Variants in CAPN14 observed in about 807,000 individuals in gnomAD.
CAPN14 encodes the protein calpain 14.
In CAPN14, 94 loss-of-function variants were observed where a neutral mutation model predicts 101.3. That is an observed-to-expected ratio of 0.93 (90% CI 0.79 to 1.10). The LOEUF (loss-of-function observed/expected upper bound fraction) is 1.10, where lower values mean the gene tolerates loss of function less well. Ranked by LOEUF, CAPN14 falls within the 50% of genes least tolerant of loss-of-function variation. The pLI, the probability that CAPN14 is intolerant of heterozygous loss-of-function variation, is 0.00. For missense variants in CAPN14, 837 were observed against 828.4 expected, an observed-to-expected ratio of 1.01 and a Z score of -0.13; for synonymous variants, 338 against 317.9, an observed-to-expected ratio of 1.06 and a Z score of -0.67.
At chr2:31,176,980 G>A in intron 20 of CAPN14, 46 bp downstream of exon 20, 1 of 1,342,032 alleles carries the variant, frequency 7.5e-7, no homozygotes, top group Non-Finnish European at 1.0e-6. Context: ...GAAGTCATGG[G>A]GCAGCAGAGG....
At chr2:31,203,976 T>C (rs181168193) in intron 2 of CAPN14, among the ~76,000 whole-genome samples, 1 of 152,222 alleles carries the variant, frequency 6.6e-6, no homozygotes, top group Non-Finnish European at 1.5e-5. Context: ...AAGAATACTT[T>C]TGTAAAGTGA....
chr2:31,197,032 TCAAA>T (rs56842904), intron 8 of CAPN14, among the ~76,000 whole-genome samples: 2,938 of 152,280 alleles, frequency 0.019, 32 homozygotes, highest in South Asian at 0.043. Flanking sequence ...TGGCAAGCCC[TCAAA>T]CAAACATCAG....
chr2:31,231,815 C>G (rs1484085996), intron 1 of CAPN14, among the ~76,000 whole-genome samples: 2 of 152,314 alleles, frequency 1.3e-5, no homozygotes, highest in East Asian at 3.9e-4. Context: ...GTATTAACAC[C>G]AGGCGTGGCA....
chr2:31,187,499 T>A (rs1680956857), intron 15 of CAPN14, among the ~76,000 whole-genome samples: 1 of 151,490 alleles, frequency 6.6e-6, no homozygotes, highest in Non-Finnish European at 1.5e-5. Context: ...GATGAAAGAT[T>A]AAAGTTGCTT....
At chr2:31,197,662 A>G (rs1423397099) in intron 7 of CAPN14, among the ~76,000 whole-genome samples, 1 of 152,230 alleles carries the variant, frequency 6.6e-6, no homozygotes, top group African/African-American at 2.4e-5. Flanking sequence ...TGGAAAAAGG[A>G]TCTTTGCAAA....
chr2:31,190,230 C>T (rs1279918022), intron 12 of CAPN14, among the ~76,000 whole-genome samples: 1 of 151,970 alleles, frequency 6.6e-6, no homozygotes, highest in Admixed American at 6.6e-5. Context: ...CCTTTGTTCT[C>T]ACTCAGGGCT....
chr2:31,208,658 T>C (rs1035694193), intron 1 of CAPN14, among the ~76,000 whole-genome samples: 1 of 152,182 alleles, frequency 6.6e-6, no homozygotes, highest in African/African-American at 2.4e-5. Flanking sequence ...ATGAAACCAG[T>C]TGGCGGTTCT....
chr2:31,186,359 G>C, intron 16 of CAPN14, 69 bp downstream of exon 16: 4 of 1,154,922 alleles, frequency 3.5e-6, no homozygotes, highest in Non-Finnish European at 4.9e-6. Flanking sequence ...AAGGGAAAGA[G>C]AAACAAAGCC....
chr2:31,224,587 T>C (rs1682966062), intron 2 of CAPN14, among the ~76,000 whole-genome samples: 1 of 152,060 alleles, frequency 6.6e-6, no homozygotes, highest in Non-Finnish European at 1.5e-5. Flanking sequence ...ATATACATTA[T>C]AAACCAACAT....
At position 31,178,549 on chromosome 2, in the gene CAPN14, C is replaced by T; in HGVS notation, c.1741G>A (p.Glu581Lys). Reference sequence around the variant, plus strand: ...AGCTGCTTCCACAGGTCCCTGAATTCCTGGATGCTCATAGTACCTGATGCA... The same window carrying T: ...AGCTGCTTCCACAGGTCCCTGAATTTCTGGATGCTCATAGTACCTGATGCA... ...LNASGTMSIQEFRDLWKQLKL... is the reference protein window; with the variant it reads ...LNASGTMSIQKFRDLWKQLKL... The change falls in exon 18 of 22, where the codon GAA becomes AAA. Residue 581 changes from glutamate (E) to lysine (K), a missense_variant. By Grantham distance (56) the Glu-to-Lys change is moderately conservative. Transcript: ENST00000403897. 2 of 1,548,964 alleles carry T rather than the reference C, an allele frequency of 1.3e-6. No homozygotes were observed. Among genetic ancestry groups the T allele is most frequent in the South Asian group, 1.2e-5 (1 of 83,518 alleles).
In CAPN14 at chr2:31,192,011, A is replaced by G. The variant is rs1346382276; in HGVS notation, c.1202T>C (p.Val401Ala). 1.3e-6 allele frequency: 2 copies of G among 1,551,626 alleles called. No homozygotes were observed. Among genetic ancestry groups the G allele is most frequent in the Non-Finnish European group, 1.7e-6 (2 of 1,146,970 alleles). Residue 401 changes from valine to alanine, a missense_variant, in exon 11 of 22, where the codon GTG (valine) becomes GCG (alanine). By Grantham distance (64) the Val-to-Ala change is moderately conservative (BLOSUM62 0). Coordinates refer to ENST00000403897, the MANE Select transcript of CAPN14 (RefSeq NM_001145122.2). ...RRSLRPCSVL[V>A]SLLQKPRHRC... ...GTGCCTGGGCTTCTGGAGCAGGGACACCAGCACGCTGCAGGGCCTCAGGGA... is the reference window on the plus strand; with the variant it reads ...GTGCCTGGGCTTCTGGAGCAGGGACGCCAGCACGCTGCAGGGCCTCAGGGA...
At chr2:31,228,836 A>C (rs189903610) in intron 1 of CAPN14, among the ~76,000 whole-genome samples, 94 of 152,274 alleles carry the variant, frequency 6.2e-4, no homozygotes, top group African/African-American at 2.1e-3. Context: ...ACTTTCCCCA[A>C]GCTCACACAG....
Position 31,232,039 on chromosome 2 carries a change from T to C in CAPN14, c.-177+1752A>G, listed in dbSNP as rs560601690. On this transcript the variant is annotated intron_variant and NMD_transcript_variant, in intron 1 of 21. Coordinates refer to the CAPN14 transcript ENST00000398824. ...AAGGAGGGAGTCGGGAGATCTGAGA[T>C]GTAACTAAGGAGATTCTATTCAGCA... 2.6e-5 allele frequency among the ~76,000 whole-genome samples: 4 copies of C among 152,304 alleles called. 1 individual carries two copies. Among genetic ancestry groups the C allele is most frequent in the African/African-American group, 9.6e-5 (4 of 41,564 alleles).
chr2:31,176,742 A>G, intron 20 of CAPN14, 100 bp from the exon 21 acceptor site: 1 of 1,132,084 alleles, frequency 8.8e-7, no homozygotes, highest in South Asian at 1.3e-5. Flanking sequence ...ATCCATTCTG[A>G]AAACGTGAGG....
intron 13 of CAPN14, 134 bp downstream of exon 13, chr2:31,189,139 T>G: frequency 1.3e-6 from 1 of 751,216 alleles, no homozygotes; most frequent in Non-Finnish European, 2.2e-6. Flanking sequence ...GAAAGTCACC[T>G]GGTCTCCTGC....
At position 31,179,534 on chromosome 2, in the gene CAPN14, T is replaced by C. The variant is rs1680488936; in HGVS notation, c.1711-955A>G. Among the ~76,000 whole-genome samples, 3 of 152,340 alleles carry C rather than the reference T, an allele frequency of 2.0e-5. 1 individual carries two copies. In the South Asian group the frequency reaches 6.2e-4, roughly 32 times the overall value. On this transcript the variant is annotated intron_variant, in intron 17 of 21. Transcript: ENST00000403897. ...TGAATAGTGCCGCAGTAAACATACA[T>C]GTGCATGTGTCTTTACAGAAGCATG...
chr2:31,189,820 C>G (rs993578811), intron 12 of CAPN14: 41 of 464,466 alleles, frequency 8.8e-5, no homozygotes, highest in Middle Eastern at 3.2e-4. Context: ...AGGTCATCTG[C>G]CCAGAGTCAT....
chr2:31,188,356 T>C lies in CAPN14; in HGVS notation c.1494-2A>G. 3.2e-6 allele frequency: 5 copies of C among 1,551,574 alleles called. No individual in the cohort carries two copies. The highest frequency in any genetic ancestry group is 4.4e-6 in the Non-Finnish European group (5 of 1,146,910). On this transcript the variant is annotated splice_acceptor_variant, in intron 13 of 21. Transcript: ENST00000403897. LOFTEE classifies it high-confidence loss of function. ...ACACCAGAATTGCTGCCAATTTCAC[T>C]GAGAACAAACAAACAAGAACAAACT...
chr2:31,182,493 C>G (rs6707165), intron 16 of CAPN14, among the ~76,000 whole-genome samples: 15,012 of 99,078 alleles, frequency 0.15, 2,764 homozygotes, highest in African/African-American at 0.37. Context: ...AAAGTCTCAG[C>G]ATACAAAATC....
Sources: allele counts gnomAD v4.1 joint callset (sites outside exome capture counted in the v4.1 genomes callset), GRCh38; gene constraint gnomAD v4.1.1; transcripts MANE v1.5; gene names NCBI Gene and HGNC (gene_info 2026-07-23, HGNC 2026-07-21).